The following BPTF variants were observed in gnomAD, a reference collection of about 807,000 sequenced individuals.
The protein encoded by BPTF is nucleosome-remodeling factor subunit BPTF.
BPTF carries 18 observed loss-of-function variants against 292.5 expected under a neutral mutation model. The observed-to-expected ratio is 0.06, with a 90% CI of 0.04 to 0.09. BPTF has a LOEUF of 0.09. BPTF is among the 10% of genes least tolerant of loss of function. The probability of loss-of-function intolerance (pLI) is 1.00; values close to 1 mark genes in which losing one functional copy is unlikely to be tolerated. For synonymous variants in BPTF, 1,225 were observed against 1,251.9 expected (o/e 0.98, Z 0.45); for missense variants, 2,726 against 3,498.7 (o/e 0.78, Z 5.57).
intron 1 of BPTF, among the ~76,000 whole-genome samples, chr17:67,844,200 C>T (rs1173350327): frequency 6.6e-6 from 1 of 151,152 alleles, no homozygotes. Flanking sequence ...GTGCCACAGC[C>T]TCCGGAGTAG....
At position 67,826,225 on chromosome 17, in the gene BPTF, A is replaced by G. The variant is rs150508482; in HGVS notation, c.501A>G (p.Glu167=). 14 of 1,613,566 alleles carry G rather than the reference A, an allele frequency of 8.7e-6. No individual in the cohort carries two copies. Among genetic ancestry groups the G allele is most frequent in the Admixed American group, 5.0e-5 (3 of 59,994 alleles). The change falls in exon 1 of 28, where the codon GAA becomes GAG. Residue 167 remains glutamate, a synonymous_variant. Transcript: ENST00000306378. ...DSEDDEEDEM[E]EDDDDSDYPE... ...AGGACGACGAGGAGGATGAGATGGA[A>G]GAGGACGACGATGACTCCGATTATC...
At chr17:67,908,707 C>G (rs1392467382) in intron 9 of BPTF, among the ~76,000 whole-genome samples, 1 of 150,096 alleles carries the variant, frequency 6.7e-6, no homozygotes, top group African/African-American at 2.5e-5. Flanking sequence ...CTAGGCTGGT[C>G]TTGAACTCCT....
intron 2 of BPTF, among the ~76,000 whole-genome samples, chr17:67,865,703 C>G (rs569958224): frequency 2.0e-5 from 3 of 152,190 alleles, no homozygotes; most frequent in Non-Finnish European, 4.4e-5. Context: ...ATGTGTTCCT[C>G]TATGTCTAGT....
At position 67,982,563 on chromosome 17, in the gene BPTF, AAAAG is replaced by A. The variant is rs199672930; in HGVS notation, c.*280_*283del. The A allele has an allele frequency of 3.2e-3, 1,020 of 322,942 alleles. 6 individuals are homozygous for A. The highest frequency in any genetic ancestry group is 0.012 in the African/African-American group (578 of 46,816). 20.0% of individuals were successfully genotyped at this position (322,942 alleles called of 1,614,324 possible). On this transcript the variant is annotated 3_prime_UTR_variant, in exon 28 of 28. Coordinates refer to ENST00000306378, the MANE Select transcript of BPTF (RefSeq NM_182641.4). ...AACTTTGTTTATTGAAAAAAAAAGA[AAAAG>A]AAAGCAAGAAAAAAAGATACTATGG...
intron 14 of BPTF, among the ~76,000 whole-genome samples, chr17:67,923,944 C>CA (rs2063652479): frequency 6.6e-6 from 1 of 151,810 alleles, no homozygotes; most frequent in South Asian, 2.1e-4. Flanking sequence ...CAGATTCAAG[C>CA]AATTCTCCTG....
intron 11 of BPTF, among the ~76,000 whole-genome samples, chr17:67,917,131 C>CCTTTTTTTTTT (rs2063065953): frequency 3.8e-5 from 4 of 105,808 alleles, no homozygotes; most frequent in African/African-American, 1.4e-4. Context: ...TGGTATTGTC[C>CCTTTTTTTTTT]TTTTTTTTTT....
At chr17:67,874,294 G>C (rs1378584748) in intron 3 of BPTF, among the ~76,000 whole-genome samples, 1 of 152,092 alleles carries the variant, frequency 6.6e-6, no homozygotes, top group Non-Finnish European at 1.5e-5. Flanking sequence ...AACAATTAAG[G>C]GACTTCAGAA....
chr17:67,900,593 A>G (rs921801791), intron 7 of BPTF, among the ~76,000 whole-genome samples: 3 of 151,734 alleles, frequency 2.0e-5, no homozygotes, highest in Non-Finnish European at 2.9e-5. Context: ...TTAATTAATT[A>G]AAAAGCTAAG....
At chr17:67,907,145 A>G (rs1051072362) in intron 9 of BPTF, among the ~76,000 whole-genome samples, 1 of 149,738 alleles carries the variant, frequency 6.7e-6, no homozygotes, top group African/African-American at 2.5e-5. Flanking sequence ...AGATGAACCC[A>G]CTGTGCTCCA....
At chr17:67,847,738 A>G (rs1365975879) in intron 1 of BPTF, among the ~76,000 whole-genome samples, 1 of 152,074 alleles carries the variant, frequency 6.6e-6, no homozygotes, top group Non-Finnish European at 1.5e-5. Context: ...TTTTTATATT[A>G]TTACTGACAC....
chr17:67,890,360 G>A (rs1197148631), intron 4 of BPTF, among the ~76,000 whole-genome samples: 1 of 152,054 alleles, frequency 6.6e-6, no homozygotes, highest in Non-Finnish European at 1.5e-5. Context: ...CTTTGTGATG[G>A]GCTTATTGTT....
intron 11 of BPTF, among the ~76,000 whole-genome samples, chr17:67,917,044 C>T (rs1277726355): frequency 1.3e-5 from 2 of 150,834 alleles, no homozygotes; most frequent in Admixed American, 6.6e-5. Flanking sequence ...ATGTGTAAAA[C>T]GTTTAGTACC....
chr17:67,927,065 A>G (rs1450091450), intron 15 of BPTF, among the ~76,000 whole-genome samples: 2 of 152,204 alleles, frequency 1.3e-5, no homozygotes, highest in Non-Finnish European at 2.9e-5. Context: ...TAGTCCTAAA[A>G]AAATTGGACG....
At chr17:67,960,912 T>G (rs1555683695) in intron 24 of BPTF, among the ~76,000 whole-genome samples, 1 of 152,242 alleles carries the variant, frequency 6.6e-6, no homozygotes, top group African/African-American at 2.4e-5. Flanking sequence ...GTGTGCTGAA[T>G]TAAACAGAAA....
intron 23 of BPTF, among the ~76,000 whole-genome samples, chr17:67,952,949 T>A (rs1555679098): frequency 6.6e-6 from 1 of 152,162 alleles, no homozygotes; most frequent in Non-Finnish European, 1.5e-5. Flanking sequence ...CAATAAAGTT[T>A]TTGTCAAATT....
rs1268166518 is a variant in BPTF at position 67,931,927 on chromosome 17, A to C, written c.6167A>C (p.Gln2056Pro). The change falls in exon 18 of 28, where the codon CAG (glutamine) becomes CCG (proline). Residue 2056 changes from glutamine to proline, a missense_variant. Around this residue, in one of 22 missense-constraint regions of BPTF, gnomAD observed 570 missense variants for 633.5 expected, o/e 0.90. Transcript: ENST00000306378. The stretch of plus-strand genomic sequence containing the variant: ...CATTTATAGGTAATCACAGGGCCTC[A>C]GATTCGCCCTGGTATGACCGTGATT... ...TSNSQVITGP[Q>P]IRPGMTVIRT... 5 of 1,612,890 alleles carry C rather than the reference A, an allele frequency of 3.1e-6. No homozygotes were observed. The highest frequency in any genetic ancestry group is 4.2e-6 in the Non-Finnish European group (5 of 1,179,542).
chr17:67,843,044 T>G (rs924731104), intron 1 of BPTF, among the ~76,000 whole-genome samples: 2 of 150,912 alleles, frequency 1.3e-5, no homozygotes, highest in Admixed American at 6.7e-5. Flanking sequence ...AAGCAAAAGT[T>G]ATAACACTGG....
chr17:67,934,703 C>T (rs916444602), intron 18 of BPTF, among the ~76,000 whole-genome samples: 2 of 150,934 alleles, frequency 1.3e-5, no homozygotes, highest in Admixed American at 6.6e-5. Flanking sequence ...GAAACCCCGC[C>T]TGTACTAAAA....
chr17:67,958,166 A>C (rs2067129563), intron 23 of BPTF, among the ~76,000 whole-genome samples: 1 of 152,050 alleles, frequency 6.6e-6, no homozygotes, highest in African/African-American at 2.4e-5. Flanking sequence ...CATCTCTACC[A>C]AAAATACAAA....
Sources: gnomAD v4.1 joint callset for allele counts (sites outside exome capture counted in the v4.1 genomes callset) on GRCh38, gnomAD v4.1.1 for gene constraint, gnomAD v4.1.1 regional missense constraint, MANE v1.5 for transcripts, NCBI Gene and HGNC (gene_info 2026-07-23, HGNC 2026-07-21) for gene names.